The following DNAH12 variants were observed in gnomAD, a reference collection of about 807,000 sequenced individuals.
DNAH12 encodes axonemal beta dynein heavy chain 12.
In DNAH12, 285 loss-of-function variants were observed where a neutral mutation model predicts 371.5. That is an observed-to-expected ratio of 0.77 (90% confidence interval 0.70 to 0.85). The LOEUF (loss-of-function observed/expected upper bound fraction) is 0.85, where lower values mean the gene tolerates loss of function less well. DNAH12 is among the 40% of genes least tolerant of loss of function. The pLI is 0.00. For synonymous variants in DNAH12, 1,200 were observed against 1,213.0 expected (o/e 0.99, Z 0.22); for missense variants, 3,611 against 3,689.4 (o/e 0.98, Z 0.55).
intron 62 of DNAH12, among the ~76,000 whole-genome samples, chr3:57,328,962 T>C (rs1262114377): frequency 8.2e-5 from 11 of 133,906 alleles, no homozygotes; most frequent in Non-Finnish European, 1.4e-4. Context: ...CCATTCACAA[T>C]TGCTTCAAAG....
rs1303407682 is a variant in DNAH12 at position 57,462,911 on chromosome 3, A to T, written c.2350-36T>A. 10 of 1,457,012 alleles carry T rather than the reference A, an allele frequency of 6.9e-6. No individual in the cohort carries two copies. In the Admixed American group the frequency reaches 2.0e-4, roughly 29 times the overall value. The allele number at this position is 1,457,012 out of a possible 1,614,324, so 90.3% of individuals were successfully genotyped here. On this transcript the variant is annotated intron_variant, in intron 17 of 73. Transcript: ENST00000495027. ...AAATATAAACAATTATGAGTCACTC[A>T]TTTGACTTCCACACACATAGATTCC...
At chr3:57,530,987 G>A (rs1307865005) in intron 2 of DNAH12, 2 of 153,148 alleles carry the variant, frequency 1.3e-5, no homozygotes, top group African/African-American at 4.8e-5. Flanking sequence ...TCTGTACTAT[G>A]TCTTGAAAAA....
At chr3:57,357,700 C>A (rs1230487746) in intron 58 of DNAH12, among the ~76,000 whole-genome samples, 3 of 152,186 alleles carry the variant, frequency 2.0e-5, no homozygotes, top group Non-Finnish European at 4.4e-5. Flanking sequence ...CTTTGACTGA[C>A]TGACCTGTGT....
upstream of DNAH12, among the ~76,000 whole-genome samples, chr3:57,546,104 T>A (rs994114148): frequency 6.6e-6 from 1 of 152,016 alleles, no homozygotes; most frequent in African/African-American, 2.4e-5. Context: ...CATCTATGAA[T>A]CATCATTTCA....
chr3:57,426,491 G>C (rs993536288), intron 34 of DNAH12, among the ~76,000 whole-genome samples: 1 of 151,966 alleles, frequency 6.6e-6, no homozygotes. Context: ...CAGAAACAGG[G>C]ATGGAAAGAA....
At chr3:57,541,041 CT>C (rs1286051453) in intron 2 of DNAH12, among the ~76,000 whole-genome samples, 82 of 151,532 alleles carry the variant, frequency 5.4e-4, no homozygotes, top group African/African-American at 1.4e-3. Flanking sequence ...ATCTCTCCCC[CT>C]CCCTTTTATT....
rs372611509 is a variant in DNAH12, at chr3:57,454,779, G to A, written c.3452C>T (p.Thr1151Met). The stretch of plus-strand genomic sequence containing the variant: ...TAAAAGCAAACAATGCTTTACCTCC[G>A]TCCCGCCACTTATCACTTCCTGTGT... ...SETQEVISGG[T>M]EGLKKYYKEL... Residue 1151 changes from threonine to methionine, a missense_variant, in exon 23 of 74, where the codon ACG becomes ATG. This residue lies in a region of DNAH12 where 1,314 missense variants were observed against 1,398.7 expected (regional missense o/e 0.94). Coordinates refer to ENST00000495027, the MANE Select transcript of DNAH12 (RefSeq NM_001366028.2). The A allele has an allele frequency of 3.3e-5, 51 of 1,550,878 alleles. 1 individual carries two copies. Among genetic ancestry groups the A allele is most frequent in the Admixed American group, 5.9e-5 (3 of 50,884 alleles).
In DNAH12 at chr3:57,415,463, A is replaced by G; in HGVS notation, c.5816T>C (p.Ile1939Thr). Residue 1939 changes from isoleucine to threonine, a missense_variant, in exon 38 of 74, where the codon ATT (isoleucine) becomes ACT (threonine). Physicochemically the swap from Ile to Thr is moderately conservative, Grantham distance 89. Around this residue, in one of 3 missense-constraint regions of DNAH12, gnomAD observed 2,266 missense variants for 2,236.9 expected, o/e 1.01. Coordinates refer to ENST00000495027, the MANE Select transcript of DNAH12 (RefSeq NM_001366028.2). Reference protein sequence around the residue: ...LEKDQYFPFYINLSARTSANQ... With the variant: ...LEKDQYFPFYTNLSARTSANQ... ...GGCGCTGGTCCGTGCAGATAAGTTA[A>G]TATAAAAAGGAAAGTACTGGTCCTT... 6.4e-7 allele frequency: 1 copy of G among 1,551,002 alleles called. No individual in the cohort carries two copies. Among genetic ancestry groups the G allele is most frequent in the Non-Finnish European group, 8.7e-7 (1 of 1,146,862 alleles).
Position 57,510,924 on chromosome 3 carries a change from T to C in DNAH12, c.335A>G (p.Gln112Arg). Residue 112 changes from glutamine to arginine, a missense_variant, in exon 5 of 74, where the codon CAG becomes CGG. By Grantham distance (43) the Gln-to-Arg change is conservative. Around this residue, in one of 3 missense-constraint regions of DNAH12, gnomAD observed 1,314 missense variants for 1,398.7 expected, o/e 0.94. Transcript: ENST00000495027. ...TAACATGTGATCCAGCCATTCCTGC[T>C]GAATAGGTACTAAAGGACTACTTTC... is the stretch of plus-strand genomic sequence containing the variant. ...CVESSPLVPI[Q>R]QEWLDHMLRL... 1 of 1,613,980 alleles carries C rather than the reference T, an allele frequency of 6.2e-7. No individual in the cohort carries two copies. The highest frequency in any genetic ancestry group is 8.5e-7 in the Non-Finnish European group (1 of 1,180,002).
At chr3:57,413,035 C>G (rs1367828431) in intron 39 of DNAH12, among the ~76,000 whole-genome samples, 1 of 152,070 alleles carries the variant, frequency 6.6e-6, no homozygotes, top group Non-Finnish European at 1.5e-5. Flanking sequence ...TGGAAGCAAC[C>G]AAGATGTCCT....
rs749144888 is a variant in DNAH12 at position 57,501,320 on chromosome 3, C to T, written c.1335+1G>A. ...TTAATAAAAACAGAATTACCGCTTA[C>T]CTCTGTATATTCATCAAAAGTATGA... On this transcript the variant is annotated splice_donor_variant, in intron 11 of 73. Coordinates refer to ENST00000495027, the MANE Select transcript of DNAH12 (RefSeq NM_001366028.2). LOFTEE classifies it high-confidence loss of function. The T allele has an allele frequency of 1.9e-6, 3 of 1,600,622 alleles. No individual in the cohort carries two copies. In the African/African-American group the frequency reaches 4.0e-5, roughly 22 times the overall value.
intron 28 of DNAH12, 147 bp from the exon 29 acceptor site, chr3:57,444,963 T>A (rs963781630): frequency 2.7e-6 from 3 of 1,103,670 alleles, no homozygotes; most frequent in African/African-American, 1.7e-5. Context: ...GGAATCCCTA[T>A]AATAAAAAGT....
Position 57,499,447 on chromosome 3 carries a change from A to C in DNAH12, c.1335+1874T>G, listed in dbSNP as rs2067435006. The stretch of plus-strand genomic sequence containing the variant: ...TTTTAAAAGGGATGGAATGACAAAT[A>C]AATATAGCAAAATCCTAGAATGTAG... On this transcript the variant is annotated intron_variant, in intron 11 of 73. Transcript: ENST00000495027. Among the ~76,000 whole-genome samples the C allele has an allele frequency of 2.0e-5, 3 of 150,758 alleles. No homozygotes were observed. In the South Asian group the frequency reaches 6.3e-4, roughly 32 times the overall value.
At chr3:57,509,982 C>CA (rs1394653375) in intron 5 of DNAH12, among the ~76,000 whole-genome samples, 2 of 147,428 alleles carry the variant, frequency 1.4e-5, no homozygotes, top group Admixed American at 6.9e-5. Flanking sequence ...CCACCACACA[C>CA]AAAAAATGAT....
At chr3:57,514,539 T>C (rs1402263794) in intron 4 of DNAH12, among the ~76,000 whole-genome samples, 6 of 151,820 alleles carry the variant, frequency 4.0e-5, no homozygotes, top group Non-Finnish European at 5.9e-5. Context: ...ATTAATGAGA[T>C]TGGTTATATG....
At chr3:57,501,434 A>T (rs1009395088) in intron 10 of DNAH12, 22 bp from the exon 11 acceptor site, 7 of 1,549,400 alleles carry the variant, frequency 4.5e-6, no homozygotes, top group Non-Finnish European at 6.1e-6. Context: ...TAATCTAATT[A>T]AAATCTCAAT....
intron 58 of DNAH12, among the ~76,000 whole-genome samples, chr3:57,362,923 T>G (rs1405496556): frequency 6.6e-6 from 1 of 152,228 alleles, no homozygotes; most frequent in African/African-American, 2.4e-5. Flanking sequence ...TTTTGGTGTT[T>G]TAGTCATGAA....
In DNAH12 at chr3:57,461,668, T is replaced by C; in HGVS notation, c.2557A>G (p.Met853Val). Reference protein sequence around the residue: ...ASKEFSLEKAMNTMIGTWEDI... With the variant: ...ASKEFSLEKAVNTMIGTWEDI... ...TCCCAAGTTCCTATCATTGTATTCA[T>C]GGCTTTCTCTAATGAAAATTCCTAA... The change falls in exon 19 of 74, where the codon ATG (methionine) becomes GTG (valine). Residue 853 changes from methionine to valine, a missense_variant. Coordinates refer to ENST00000495027, the MANE Select transcript of DNAH12 (RefSeq NM_001366028.2). 6.4e-7 allele frequency: 1 copy of C among 1,550,838 alleles called. No homozygotes were observed. The highest frequency in any genetic ancestry group is 1.2e-5 in the South Asian group (1 of 84,024).
In DNAH12 at chr3:57,472,527, T is replaced by C. The variant is rs975395164; in HGVS notation, c.1776+19A>G. ...TGAAATGTCAGATTACAAAAATACA[T>C]ACTGAAAAATATATTTACCTCATCA... On this transcript the variant is annotated intron_variant, in intron 14 of 73. Transcript: ENST00000495027. 6.5e-7 allele frequency: 1 copy of C among 1,536,830 alleles called. No individual in the cohort carries two copies. The highest frequency in any genetic ancestry group is 8.8e-7 in the Non-Finnish European group (1 of 1,140,998).
Sources: gnomAD v4.1 joint callset for allele counts (sites outside exome capture counted in the v4.1 genomes callset) on GRCh38, gnomAD v4.1.1 for gene constraint, gnomAD v4.1.1 regional missense constraint, MANE v1.5 for transcripts, NCBI Gene and HGNC (gene_info 2026-07-23, HGNC 2026-07-21) for gene names.